Variants in COL16A1 observed in about 807,000 individuals in gnomAD.
The protein encoded by COL16A1 is collagen alpha-1(XVI) chain.
Under a neutral mutation model 266.3 loss-of-function variants are expected in COL16A1, and 189 were observed. The observed-to-expected ratio is 0.71, with a 90% CI of 0.63 to 0.80. The LOEUF (loss-of-function observed/expected upper bound fraction) is 0.80, where lower values mean the gene tolerates loss of function less well. Among genes scored for constraint, COL16A1 ranks in the 30% least tolerant of loss-of-function variants. The pLI, the probability that COL16A1 is intolerant of heterozygous loss-of-function variation, is 0.00. For missense variants in COL16A1, 1,928 were observed against 2,122.4 expected, an observed-to-expected ratio of 0.91 and a Z score of 1.80; for synonymous variants, 740 against 782.3, an observed-to-expected ratio of 0.95 and a Z score of 0.90.
At chr1:31,667,655 A>G in intron 51 of COL16A1, 27 bp from the exon 52 acceptor site, 1 of 1,593,008 alleles carries the variant, frequency 6.3e-7, no homozygotes, top group South Asian at 1.1e-5. Context: ...AGACAGTGGA[A>G]TTAGCCCCAC....
Position 31,688,592 on chromosome 1 carries a change from C to A in COL16A1, c.1768-90G>T. ...TCCCAGTGTCCAACCAGAAACAGAA[C>A]GGTAAGATAGGAATTATGTCCTTCA... On this transcript the variant is annotated intron_variant, in intron 25 of 70. Transcript: ENST00000373672. The surrounding 1 kb of genome is among the most constrained non-coding windows in gnomAD (Gnocchi z 4.9). The A allele has an allele frequency of 6.5e-7, 1 of 1,528,852 alleles. No individual in the cohort carries two copies. Among genetic ancestry groups the A allele is most frequent in the Non-Finnish European group, 9.1e-7 (1 of 1,102,722 alleles). The allele number at this position is 1,528,852 out of a possible 1,614,324, so 94.7% of individuals were successfully genotyped here.
chr1:31,665,231 G>T lies in COL16A1; in HGVS notation c.3496C>A (p.Pro1166Thr), dbSNP rs1557623412. The change falls in exon 56 of 71, where the codon CCC becomes ACC. Residue 1166 changes from proline (P) to threonine (T), a missense_variant. This residue lies in a region of COL16A1 where 1,552 missense variants were observed against 1,637.2 expected (regional missense o/e 0.95). Transcript: ENST00000373672. ...CCAACTTTGCCTGGGAATCCAGGGG[G>T]ACCCTGTATCAACAAAGGGGCAGGC... ...GQPGFPGPPG[P>T]PGFPGKVGSP... The T allele has an allele frequency of 3.1e-6, 5 of 1,593,348 alleles. No homozygotes were observed. Among genetic ancestry groups the T allele is most frequent in the Non-Finnish European group, 4.3e-6 (5 of 1,174,712 alleles).
At position 31,652,711 on chromosome 1, in the gene COL16A1, C is replaced by T; in HGVS notation, c.4755G>A (p.Gly1585=). The part of the protein sequence containing the change: ...AGHCNPSDCF[G]AMPMEQQYPP... ...GGTACTGCTGCTCCATCGGCATGGC[C>T]CCAAAGCAGTCAGAGGGATTACAGT... Residue 1585 remains glycine (G), a synonymous_variant, in exon 71 of 71, where the codon GGG becomes GGA. Coordinates refer to ENST00000373672, the MANE Select transcript of COL16A1 (RefSeq NM_001856.4). This position sits in a 1 kb window ranked among gnomAD's most constrained non-coding sequence, Gnocchi z 4.8. 1 of 1,607,756 alleles carries T rather than the reference C, an allele frequency of 6.2e-7. No homozygotes were observed. Among genetic ancestry groups the T allele is most frequent in the African/African-American group, 1.3e-5 (1 of 74,644 alleles).
chr1:31,654,989 T>G, intron 67 of COL16A1, 131 bp from the exon 68 acceptor site: 1 of 1,409,552 alleles, frequency 7.1e-7, no homozygotes, highest in African/African-American at 1.5e-5. Flanking sequence ...TTTTTTTTTT[T>G]TTTTTTTTTT....
chr1:31,652,551 A>G lies in COL16A1; in HGVS notation c.*100T>C. ...AATATTAACAGCAATTAAAAACAAC[A>G]ACAACAACAAAAAAAACATTCACAA... is the stretch of plus-strand genomic sequence containing the variant. On this transcript the variant is annotated 3_prime_UTR_variant, in exon 71 of 71. Transcript: ENST00000373672. This position sits in a 1 kb window ranked among gnomAD's most constrained non-coding sequence, Gnocchi z 4.8. The G allele has an allele frequency of 7.7e-7, 1 of 1,294,642 alleles. No individual in the cohort carries two copies. Among genetic ancestry groups the G allele is most frequent in the Non-Finnish European group, 1.0e-6 (1 of 989,304 alleles). The allele number at this position is 1,294,642 out of a possible 1,614,324, so 80.2% of individuals were successfully genotyped here.
rs1157295012 is a variant in COL16A1, at chr1:31,688,597, A to G, written c.1768-95T>C. The G allele has an allele frequency of 2.0e-5, 30 of 1,512,062 alleles. No homozygotes were observed. Among genetic ancestry groups the G allele is most frequent in the Admixed American group, 3.3e-5 (2 of 59,720 alleles). The allele number at this position is 1,512,062 out of a possible 1,614,324, so 93.7% of individuals were successfully genotyped here. A position where few individuals can be genotyped will look rare whatever the true frequency, so the allele number is the denominator to read the frequency against. On this transcript the variant is annotated intron_variant, in intron 25 of 70. Coordinates refer to ENST00000373672, the MANE Select transcript of COL16A1 (RefSeq NM_001856.4). This position sits in a 1 kb window ranked among gnomAD's most constrained non-coding sequence, Gnocchi z 4.9. ...GTGTCCAACCAGAAACAGAACGGTA[A>G]GATAGGAATTATGTCCTTCAGGTAG...
At chr1:31,661,273 C>A in intron 60 of COL16A1, 141 bp downstream of exon 60, 1 of 1,508,270 alleles carries the variant, frequency 6.6e-7, no homozygotes, top group East Asian at 2.3e-5. Flanking sequence ...AGCCCTGACC[C>A]AGTCTGCCAG....
rs1643960589 is a variant in COL16A1, at chr1:31,686,134, C to T, written c.1841G>A (p.Gly614Glu). 6.2e-7 allele frequency: 1 copy of T among 1,613,978 alleles called. No homozygotes were observed. Among genetic ancestry groups the T allele is most frequent in the Admixed American group, 1.7e-5 (1 of 60,002 alleles). ...FGEAGPAGSP[G>E]PPGPVGPAGI... ...TGCTGGCCCCACTGGTCCTGGTGGC[C>T]CCTGCATGTTAAGACGCTACAGGTA... Residue 614 changes from glycine to glutamate, a missense_variant and splice_region_variant, in exon 28 of 71, where the codon GGG becomes GAG. Transcript: ENST00000373672.
chr1:31,658,665 G>A (rs1485597016), intron 63 of COL16A1, 88 bp from the exon 64 acceptor site: 3 of 1,261,850 alleles, frequency 2.4e-6, no homozygotes, highest in Non-Finnish European at 2.3e-6. Context: ...CCCATCGTGT[G>A]CCAGGGACTA....
intron 26 of COL16A1, among the ~76,000 whole-genome samples, chr1:31,686,520 A>G (rs1643985885): frequency 1.3e-5 from 2 of 152,348 alleles, no homozygotes; most frequent in Middle Eastern, 6.8e-3. Context: ...GCCATGTCTC[A>G]GCACACAAAA....
rs758284097 is a variant in COL16A1, at chr1:31,655,346, TCCCCGAAGG to T, written c.4249_4257del (p.Pro1417_Gly1419del). ...CCAGGCACACCAGGCAAGCCAGGGC[TCCCCGAAGG>T]CCCCGGAGCTCCAGGGTGGCCTCTC... On this transcript the variant is annotated inframe_deletion, in exon 67 of 71. Coordinates refer to ENST00000373672, the MANE Select transcript of COL16A1 (RefSeq NM_001856.4). 444 of 1,613,688 alleles carry T rather than the reference TCCCCGAAGG, an allele frequency of 2.8e-4. 1 individual carries two copies. Among genetic ancestry groups the T allele is most frequent in the Middle Eastern group, 9.9e-4 (6 of 6,046 alleles).
intron 1 of COL16A1, 98 bp from the exon 2 acceptor site, chr1:31,702,325 G>A: frequency 8.0e-7 from 1 of 1,256,734 alleles, no homozygotes; most frequent in Middle Eastern, 2.4e-4. Context: ...CCCAGGCACT[G>A]GTATTGGGGT....
intron 16 of COL16A1, 140 bp downstream of exon 16, chr1:31,692,334 G>A (rs989606611): frequency 7.3e-7 from 1 of 1,378,260 alleles, no homozygotes; most frequent in Non-Finnish European, 9.7e-7. Flanking sequence ...ACTGGGGTGG[G>A]GGAGATGGGG....
In COL16A1 at chr1:31,685,884, G is replaced by T; in HGVS notation, c.1885-114C>A. On this transcript the variant is annotated intron_variant, in intron 28 of 70. Coordinates refer to ENST00000373672, the MANE Select transcript of COL16A1 (RefSeq NM_001856.4). The surrounding 1 kb of genome is among the most constrained non-coding windows in gnomAD (Gnocchi z 4.0). The stretch of plus-strand genomic sequence containing the variant: ...GGGTCTGACACTGCACCTCTGCTGG[G>T]TGAGGGGTTATCTTGGGAAAGATGA... 6.5e-7 allele frequency: 1 copy of T among 1,536,306 alleles called. No individual in the cohort carries two copies. The highest frequency in any genetic ancestry group is 8.8e-7 in the Non-Finnish European group (1 of 1,132,912).
chr1:31,656,004 G>T lies in COL16A1; in HGVS notation c.4101+396C>A, dbSNP rs1299809061. ...GTGCTCCTCCCTCTCATCCCACAGC[G>T]CTATGTCTCATGTCTTCTGGAAAAC... On this transcript the variant is annotated intron_variant, in intron 66 of 70. Transcript: ENST00000373672. The surrounding 1 kb of genome is among the most constrained non-coding windows in gnomAD (Gnocchi z 4.2). 1 of 326,314 alleles carries T rather than the reference G, an allele frequency of 3.1e-6. No homozygotes were observed. The highest frequency in any genetic ancestry group is 5.7e-6 in the Non-Finnish European group (1 of 174,838). 20.2% of individuals were successfully genotyped at this position (326,314 alleles called of 1,614,324 possible).
chr1:31,652,438 G>A lies in COL16A1; in HGVS notation c.*213C>T. 2 of 480,036 alleles carry A rather than the reference G, an allele frequency of 4.2e-6. No individual in the cohort carries two copies. The highest frequency in any genetic ancestry group is 6.7e-6 in the Non-Finnish European group (2 of 297,638). The allele number at this position is 480,036 out of a possible 1,614,324, so 29.7% of individuals were successfully genotyped here. ...TTGTTCCTGGGACTAAACGGGAAAA[G>A]GAGGGCAACAGGGAGCTCTGGCTGC... On this transcript the variant is annotated 3_prime_UTR_variant, in exon 71 of 71. Coordinates refer to ENST00000373672, the MANE Select transcript of COL16A1 (RefSeq NM_001856.4). This position sits in a 1 kb window ranked among gnomAD's most constrained non-coding sequence, Gnocchi z 4.8.
At chr1:31,695,995 G>C in intron 9 of COL16A1, 93 bp downstream of exon 9, 1 of 1,177,526 alleles carries the variant, frequency 8.5e-7, no homozygotes, top group East Asian at 2.3e-5. Flanking sequence ...GGCGGGAGGA[G>C]AGTGGGAGTG....
Position 31,698,626 on chromosome 1 carries a change from G to T in COL16A1, c.267-20C>A. 1 of 1,612,182 alleles carries T rather than the reference G, an allele frequency of 6.2e-7. No homozygotes were observed. The highest frequency in any genetic ancestry group is 8.5e-7 in the Non-Finnish European group (1 of 1,179,450). ...ACTCTTCTGGAGATGGAGCAGGGAG[G>T]GTGCCCTGAGGCTCCAATGAGGACC... is the stretch of plus-strand genomic sequence containing the variant. On this transcript the variant is annotated intron_variant, in intron 4 of 70. Transcript: ENST00000373672. The surrounding 1 kb of genome is among the most constrained non-coding windows in gnomAD (Gnocchi z 4.1).
At chr1:31,672,873 G>T (rs1373644481) in intron 44 of COL16A1, 33 bp from the exon 45 acceptor site, 1 of 1,604,834 alleles carries the variant, frequency 6.2e-7, no homozygotes, top group Admixed American at 1.7e-5. Context: ...AGTGGGGCCT[G>T]GGTTAGAGAT....
Sources: allele counts gnomAD v4.1 joint callset (sites outside exome capture counted in the v4.1 genomes callset), GRCh38; gene constraint gnomAD v4.1.1; regional missense constraint gnomAD v4.1.1; non-coding constraint Gnocchi (gnomAD v3.1); transcripts MANE v1.5; gene names NCBI Gene and HGNC (gene_info 2026-07-23, HGNC 2026-07-21).